Variants in PAX6 observed in about 807,000 individuals in gnomAD.
PAX6 encodes paired box protein Pax-6.
Under a neutral mutation model 60.7 loss-of-function variants are expected in PAX6, and 7 were observed. That is an observed-to-expected ratio of 0.12 (90% CI 0.07 to 0.22). PAX6 has a LOEUF of 0.22. PAX6 is among the 10% of genes least tolerant of loss of function. PAX6 has a pLI of 1.00. For synonymous variants in PAX6, 208 were observed against 201.2 expected, an observed-to-expected ratio of 1.03 and a Z score of -0.29; for missense variants, 355 against 555.2, an observed-to-expected ratio of 0.64 and a Z score of 3.62.
chr11:31,793,578 G>C lies in PAX6; in HGVS notation c.959-25C>G, dbSNP rs1157559931. 6 of 1,613,040 alleles carry C rather than the reference G, an allele frequency of 3.7e-6. No homozygotes were observed. In the East Asian group the frequency reaches 8.9e-5, roughly 24 times the overall value. ...ACTGAGGGCAAGAGAAATGACAGTA[G>C]TCAGAGTGAGAGTCAGAGCCCGGAG... On this transcript the variant is annotated intron_variant, in intron 11 of 13. Transcript: ENST00000640368.
chr11:31,815,912 A>C (rs1957354588), upstream of PAX6, among the ~76,000 whole-genome samples: 2 of 152,214 alleles, frequency 1.3e-5, no homozygotes, highest in Non-Finnish European at 2.9e-5. Context: ...GCTGACAGGA[A>C]CTGCGGGTTG....
chr11:31,815,024 CTCTCTT>C (rs1033982106), upstream of PAX6: 7 of 149,760 alleles, frequency 4.7e-5, no homozygotes, highest in Admixed American at 4.0e-4. Flanking sequence ...CTCTCTCTCT[CTCTCTT>C]TCTCTCTCTG....
At chr11:31,811,964 G>A (rs1269569968), upstream of PAX6, 1 of 152,330 alleles carries the variant, frequency 6.6e-6, no homozygotes, top group Non-Finnish European at 1.5e-5. Context: ...AGCCTCCAGG[G>A]CCTGTCCAAA....
At chr11:31,815,640 CCAG>C (rs1565286707), upstream of PAX6, among the ~76,000 whole-genome samples, 4 of 152,050 alleles carry the variant, frequency 2.6e-5, no homozygotes, top group Admixed American at 2.0e-4. Flanking sequence ...GTTCCCAACC[CCAG>C]TAAGAGTTAA....
intron 5 of PAX6, 200 bp downstream of exon 5, chr11:31,802,504 C>A: frequency 1.8e-6 from 1 of 559,630 alleles, no homozygotes; most frequent in Non-Finnish European, 3.1e-6. Flanking sequence ...GTAACTGACC[C>A]AGGTTGAAAG....
chr11:31,811,505 C>A, upstream of PAX6: 2 of 299,362 alleles, frequency 6.7e-6, no homozygotes, highest in South Asian at 1.6e-4. Flanking sequence ...GCAGGGCCCC[C>A]GAGCCCGGGC....
upstream of PAX6, among the ~76,000 whole-genome samples, chr11:31,816,067 C>A (rs1451673168): frequency 6.6e-6 from 1 of 152,218 alleles, no homozygotes; most frequent in Non-Finnish European, 1.5e-5. Flanking sequence ...CCCGGCCAGA[C>A]CCCGCTCCTC....
chr11:31,801,502 TAA>T, intron 7 of PAX6, 57 bp downstream of exon 7: 1 of 1,611,338 alleles, frequency 6.2e-7, no homozygotes, highest in East Asian at 2.2e-5. Context: ...TGGGAGGAGG[TAA>T]AGAGGAGAGA....
At chr11:31,794,526 T>G in intron 9 of PAX6, 104 bp downstream of exon 9, 1 of 1,159,438 alleles carries the variant, frequency 8.6e-7, no homozygotes, top group Non-Finnish European at 1.3e-6. Context: ...AGGAAATCTT[T>G]TCATTCTTCT....
chr11:31,814,987 CCTGTCTCT>C (rs1565286076), upstream of PAX6: 2 of 84,970 alleles, frequency 2.4e-5, no homozygotes, highest in Non-Finnish European at 2.2e-5. Context: ...GGGAGGCCAG[CCTGTCTCT>C]CTCTCTCTCT....
At chr11:31,813,637 A>G (rs1282156221), upstream of PAX6, among the ~76,000 whole-genome samples, 1 of 152,094 alleles carries the variant, frequency 6.6e-6, no homozygotes, top group Non-Finnish European at 1.5e-5. Flanking sequence ...GCGAGGAGTG[A>G]ATGCCACTGA....
At chr11:31,792,871 G>A in intron 12 of PAX6, 1 of 222,458 alleles carries the variant, frequency 4.5e-6, no homozygotes, top group South Asian at 7.1e-5. Context: ...GCAAATACCT[G>A]CTATGCCTTT....
At chr11:31,798,900 G>C (rs551132625) in intron 8 of PAX6, among the ~76,000 whole-genome samples, 2 of 152,224 alleles carry the variant, frequency 1.3e-5, no homozygotes, top group Admixed American at 1.3e-4. Flanking sequence ...AAGCGGAAGG[G>C]GGGTGTATCC....
At chr11:31,812,485 A>C (rs1957149982), upstream of PAX6, 1 of 152,562 alleles carries the variant, frequency 6.6e-6, no homozygotes, top group South Asian at 2.1e-4. Flanking sequence ...TTGCCAGAAA[A>C]CCGGGGAGGA....
In PAX6 at chr11:31,811,179, A is replaced by G. The variant is rs1251892352; in HGVS notation, c.-381T>C. 1.5e-5 allele frequency: 6 copies of G among 399,196 alleles called. No homozygotes were observed. Among genetic ancestry groups the G allele is most frequent in the Non-Finnish European group, 2.7e-5 (6 of 226,344 alleles). 24.7% of individuals were successfully genotyped at this position (399,196 alleles called of 1,614,324 possible). A position where few individuals can be genotyped will look rare whatever the true frequency, so the allele number is the denominator to read the frequency against. ...TGTGCCGGCGCCCGGCCTCGCCTCC[A>G]CCGCTCCTCACTGGCCCATTAGCGA... On this transcript the variant is annotated 5_prime_UTR_variant, in exon 1 of 14. Transcript: ENST00000640368.
In PAX6 at chr11:31,794,123, G is replaced by T; in HGVS notation, c.725-9C>A. 1 of 1,587,668 alleles carries T rather than the reference G, an allele frequency of 6.3e-7. No individual in the cohort carries two copies. The highest frequency in any genetic ancestry group is 1.1e-5 in the South Asian group (1 of 90,486). ...ATGGGTTCTCTCAAACTCTGAAAGA[G>T]TAAGTTGATTTTCCATATTGTGCCA... On this transcript the variant is annotated splice_polypyrimidine_tract_variant and intron_variant, in intron 9 of 13. Coordinates refer to ENST00000640368, the MANE Select transcript of PAX6 (RefSeq NM_001368894.2).
intron 7 of PAX6, 97 bp downstream of exon 7, chr11:31,801,464 C>G: frequency 6.3e-7 from 1 of 1,597,646 alleles, no homozygotes; most frequent in South Asian, 1.1e-5. Flanking sequence ...GGAGAGGACA[C>G]AGACTAAGAG....
At chr11:31,796,070 G>C (rs1244496552) in intron 8 of PAX6, among the ~76,000 whole-genome samples, 4 of 152,236 alleles carry the variant, frequency 2.6e-5, no homozygotes, top group Non-Finnish European at 5.9e-5. Context: ...GATCTTTTCA[G>C]GAACTTTGAA....
Position 31,789,572 on chromosome 11 carries a change from C to CT in PAX6, c.*361dup, listed in dbSNP as rs553690261. ...GGCAAAGCTTGTTGATCATGGTTTT[C>CT]TTTTTAAAAAAAAAAAAAACAACTT... On this transcript the variant is annotated 3_prime_UTR_variant, in exon 14 of 14. Transcript: ENST00000640368. 327 of 598,478 alleles carry CT rather than the reference C, an allele frequency of 5.5e-4. No individual in the cohort carries two copies. The highest frequency in any genetic ancestry group is 1.5e-3 in the Middle Eastern group (4 of 2,600). The allele number at this position is 598,478 out of a possible 1,614,324, so 37.1% of individuals were successfully genotyped here. A position where few individuals can be genotyped will look rare whatever the true frequency, so the allele number is the denominator to read the frequency against.
Sources: allele counts gnomAD v4.1 joint callset (sites outside exome capture counted in the v4.1 genomes callset), GRCh38; gene constraint gnomAD v4.1.1; transcripts MANE v1.5; gene names NCBI Gene and HGNC (gene_info 2026-07-23, HGNC 2026-07-21).